Variants in CCSER1 observed in about 807,000 individuals in gnomAD.
CCSER1 encodes the protein serine-rich coiled-coil domain-containing protein 1.
Under a neutral mutation model 82.0 loss-of-function variants are expected in CCSER1, and 41 were observed. The ratio of observed to expected loss-of-function variants is 0.50; its 90% CI spans 0.39 to 0.65. CCSER1 has a LOEUF of 0.65. CCSER1 is among the 30% of genes least tolerant of loss of function. CCSER1 has a pLI of 0.00. For missense variants in CCSER1, 1,119 were observed against 1,064.2 expected, an observed-to-expected ratio of 1.05 and a Z score of -0.72; for synonymous variants, 414 against 383.9, an observed-to-expected ratio of 1.08 and a Z score of -0.92.
chr4:91,313,201 C>G (rs1745609173), intron 10 of CCSER1, among the ~76,000 whole-genome samples: 1 of 151,820 alleles, frequency 6.6e-6, no homozygotes, highest in Non-Finnish European at 1.5e-5. Flanking sequence ...TCTATGCTAA[C>G]TTATAAATTC....
chr4:91,175,360 A>G (rs1733221649), intron 10 of CCSER1, among the ~76,000 whole-genome samples: 1 of 152,084 alleles, frequency 6.6e-6, no homozygotes. Flanking sequence ...ACTGGCTCAA[A>G]TGGTATTTCT....
intron 10 of CCSER1, among the ~76,000 whole-genome samples, chr4:91,517,768 G>A (rs1760217232): frequency 7.1e-6 from 1 of 140,236 alleles, no homozygotes. Context: ...GTGTGTGTGT[G>A]TGTGTGTGTG....
intron 8 of CCSER1, among the ~76,000 whole-genome samples, chr4:90,826,267 T>C (rs62311069): frequency 0.096 from 14,589 of 152,252 alleles, 752 homozygotes; most frequent in Admixed American, 0.14. Context: ...TTTTGGACTC[T>C]AGTACAGAAG....
At chr4:90,325,374 G>A (rs1440389021) in intron 3 of CCSER1, among the ~76,000 whole-genome samples, 1 of 152,006 alleles carries the variant, frequency 6.6e-6, no homozygotes, top group Non-Finnish European at 1.5e-5. Context: ...TACGAATCTA[G>A]GATATACTTT....
At chr4:91,371,743 C>G (rs1235634457) in intron 10 of CCSER1, among the ~76,000 whole-genome samples, 1 of 152,106 alleles carries the variant, frequency 6.6e-6, no homozygotes, top group East Asian at 1.9e-4. Flanking sequence ...AATTTGGAGT[C>G]TCATAAATCA....
chr4:91,095,356 C>T (rs1335705191), intron 10 of CCSER1, among the ~76,000 whole-genome samples: 1 of 152,172 alleles, frequency 6.6e-6, no homozygotes, highest in Non-Finnish European at 1.5e-5. Flanking sequence ...TTGGACTGGG[C>T]ATTCCTCCTG....
At chr4:90,471,460 G>A (rs1764384736) in intron 5 of CCSER1, among the ~76,000 whole-genome samples, 1 of 151,912 alleles carries the variant, frequency 6.6e-6, no homozygotes, top group Non-Finnish European at 1.5e-5. Flanking sequence ...AATAAATAAA[G>A]CTTCTTAACC....
chr4:90,569,154 A>G (rs889785457), intron 5 of CCSER1, among the ~76,000 whole-genome samples: 1 of 152,116 alleles, frequency 6.6e-6, no homozygotes, highest in Non-Finnish European at 1.5e-5. Flanking sequence ...TGTAGTTAAC[A>G]TGAGGCTTAC....
At chr4:90,963,867 T>A (rs1734282146) in intron 9 of CCSER1, among the ~76,000 whole-genome samples, 1 of 152,110 alleles carries the variant, frequency 6.6e-6, no homozygotes, top group Admixed American at 6.6e-5. Context: ...ATAAAGAAAA[T>A]TTAATAGGGC....
chr4:90,723,867 T>C, intron 6 of CCSER1, 47 bp from the exon 7 acceptor site: 1 of 912,566 alleles, frequency 1.1e-6, no homozygotes, highest in Non-Finnish European at 1.6e-6. Context: ...ATAGTCAAAA[T>C]GACTACAAAA....
intron 5 of CCSER1, among the ~76,000 whole-genome samples, chr4:90,545,210 G>A (rs764252132): frequency 1.3e-5 from 2 of 152,090 alleles, no homozygotes; most frequent in Non-Finnish European, 2.9e-5. Context: ...AACAGAGGAA[G>A]TCTTTCGACA....
chr4:90,579,676 T>G (rs1781203091), intron 5 of CCSER1, among the ~76,000 whole-genome samples: 1 of 145,024 alleles, frequency 6.9e-6, no homozygotes, highest in Admixed American at 6.8e-5. Context: ...CTGGGGGCAA[T>G]TACTGGCCTT....
chr4:90,442,769 T>G (rs2153573652), intron 4 of CCSER1, among the ~76,000 whole-genome samples: 1 of 152,298 alleles, frequency 6.6e-6, no homozygotes, highest in Non-Finnish European at 1.5e-5. Context: ...TAACATATCT[T>G]TCCAGAAGCA....
At chr4:90,977,896 T>G (rs1184982940) in intron 9 of CCSER1, among the ~76,000 whole-genome samples, 2 of 151,780 alleles carry the variant, frequency 1.3e-5, no homozygotes, top group African/African-American at 4.8e-5. Flanking sequence ...TCTGTTTAAT[T>G]CTATAATATT....
intron 3 of CCSER1, among the ~76,000 whole-genome samples, chr4:90,396,387 A>C (rs532020004): frequency 6.6e-6 from 1 of 152,260 alleles, no homozygotes; most frequent in African/African-American, 2.4e-5. Flanking sequence ...TTTTGGTACT[A>C]CTGGTTTACT....
At position 91,094,947 on chromosome 4, in the gene CCSER1, C is replaced by T. The variant is rs535051997; in HGVS notation, c.2217+8953C>T. 8.6e-4 allele frequency among the ~76,000 whole-genome samples: 131 copies of T among 152,288 alleles called. 2 individuals are homozygous for T. The highest frequency in any genetic ancestry group is 2.9e-3 in the African/African-American group (122 of 41,562). On this transcript the variant is annotated intron_variant, in intron 10 of 10. Coordinates refer to ENST00000509176, the MANE Select transcript of CCSER1 (RefSeq NM_001145065.2). ...AAGGCAAGGGGCAATCAGGTATATA[C>T]AGAAATTGATGAGTCACTTTATGTC...
chr4:91,582,111 A>G (rs1408733229), intron 10 of CCSER1, among the ~76,000 whole-genome samples: 2 of 151,628 alleles, frequency 1.3e-5, no homozygotes, highest in Non-Finnish European at 1.5e-5. Context: ...TTCTACTTGT[A>G]TTATTGTATT....
At chr4:91,177,011 G>C (rs999706335) in intron 10 of CCSER1, among the ~76,000 whole-genome samples, 3 of 152,126 alleles carry the variant, frequency 2.0e-5, no homozygotes, top group African/African-American at 4.8e-5. Context: ...CTAGTTTATT[G>C]AGAGTTTTTA....
intron 10 of CCSER1, among the ~76,000 whole-genome samples, chr4:91,365,770 T>G (rs4146583): frequency 6.6e-6 from 1 of 151,940 alleles, no homozygotes; most frequent in Admixed American, 6.6e-5. Flanking sequence ...CAGAGGGAGA[T>G]CTGCATGAAC....
Sources: allele counts gnomAD v4.1 joint callset (sites outside exome capture counted in the v4.1 genomes callset), GRCh38; gene constraint gnomAD v4.1.1; transcripts MANE v1.5; gene names NCBI Gene and HGNC (gene_info 2026-07-23, HGNC 2026-07-21).